CERS6: variants seen among roughly 807,000 people sequenced by gnomAD.
CERS6 encodes the protein LAG1 homolog, ceramide synthase 6.
In CERS6, 26 loss-of-function variants were observed where a neutral mutation model predicts 56.8. The ratio of observed to expected loss-of-function variants is 0.46; its 90% CI spans 0.34 to 0.63. The LOEUF (loss-of-function observed/expected upper bound fraction) is 0.63. CERS6 is among the 30% of genes least tolerant of loss of function. The probability of loss-of-function intolerance (pLI) is 0.01; values close to 1 mark genes in which losing one functional copy is unlikely to be tolerated. For synonymous variants in CERS6, 164 were observed against 173.3 expected (o/e 0.95, Z 0.42); for missense variants, 415 against 467.5 (o/e 0.89, Z 1.04).
At chr2:168,707,558 A>C (rs1212975387) in intron 6 of CERS6, among the ~76,000 whole-genome samples, 1 of 152,206 alleles carries the variant, frequency 6.6e-6, no homozygotes, top group Non-Finnish European at 1.5e-5. Context: ...GCCTTATGTG[A>C]AATACCTTTC....
At chr2:168,554,829 A>G (rs966561209) in intron 2 of CERS6, among the ~76,000 whole-genome samples, 33 of 152,250 alleles carry the variant, frequency 2.2e-4, no homozygotes, top group African/African-American at 7.5e-4. Flanking sequence ...TTCTAAAAGC[A>G]TTAAATGAAA....
chr2:168,632,967 C>T (rs1574115403), intron 4 of CERS6, among the ~76,000 whole-genome samples: 1 of 152,056 alleles, frequency 6.6e-6, no homozygotes, highest in African/African-American at 2.4e-5. Flanking sequence ...AACACTTTGA[C>T]GCTTAGCTCT....
intron 1 of CERS6, among the ~76,000 whole-genome samples, chr2:168,528,192 ATAGTAT>A (rs1332536966): frequency 6.6e-6 from 1 of 152,186 alleles, no homozygotes; most frequent in Non-Finnish European, 1.5e-5. Context: ...ATTTACTATT[ATAGTAT>A]TACAGAAGGT....
chr2:168,744,563 C>G (rs1574213365), intron 8 of CERS6, among the ~76,000 whole-genome samples: 1 of 151,842 alleles, frequency 6.6e-6, no homozygotes, highest in Non-Finnish European at 1.5e-5. Flanking sequence ...AAGAGTGGTC[C>G]CTGAATTATC....
chr2:168,651,815 T>C (rs577407568), intron 4 of CERS6, among the ~76,000 whole-genome samples: 2 of 152,284 alleles, frequency 1.3e-5, no homozygotes, highest in South Asian at 4.1e-4. Flanking sequence ...GTAACTTTAA[T>C]CTGAGCCAGG....
chr2:168,581,302 A>C (rs1426506505), intron 3 of CERS6, among the ~76,000 whole-genome samples: 2 of 152,228 alleles, frequency 1.3e-5, no homozygotes, highest in Non-Finnish European at 2.9e-5. Context: ...TACAGGCGTG[A>C]GCCACCATGC....
At chr2:168,731,337 A>G (rs1322777334) in intron 8 of CERS6, among the ~76,000 whole-genome samples, 2 of 152,032 alleles carry the variant, frequency 1.3e-5, no homozygotes, top group Admixed American at 6.6e-5. Context: ...TGAACCATCA[A>G]ATAATAGTAA....
At chr2:168,672,045 CATCTCAGCTCAA>C (rs1327623172) in intron 4 of CERS6, among the ~76,000 whole-genome samples, 6 of 152,232 alleles carry the variant, frequency 3.9e-5, no homozygotes, top group African/African-American at 1.4e-4. Flanking sequence ...AACAGTGTGT[CATCTCAGCTCAA>C]TTACTAAAGT....
intron 8 of CERS6, among the ~76,000 whole-genome samples, chr2:168,751,900 C>G (rs1420871088): frequency 6.6e-6 from 1 of 152,162 alleles, no homozygotes; most frequent in African/African-American, 2.4e-5. Context: ...TGCCTTTGCT[C>G]AAAATGCTCC....
At chr2:168,556,160 T>G (rs897949465) in intron 2 of CERS6, among the ~76,000 whole-genome samples, 1 of 152,106 alleles carries the variant, frequency 6.6e-6, no homozygotes, top group Non-Finnish European at 1.5e-5. Context: ...CAGCTCTCTT[T>G]TAATGTAACA....
At chr2:168,631,840 T>C (rs1271270963) in intron 4 of CERS6, among the ~76,000 whole-genome samples, 1 of 131,666 alleles carries the variant, frequency 7.6e-6, no homozygotes, top group Non-Finnish European at 1.5e-5. Flanking sequence ...ATATATATTA[T>C]ATAATATATA....
intron 1 of CERS6, among the ~76,000 whole-genome samples, chr2:168,509,087 C>G (rs1694732070): frequency 6.6e-6 from 1 of 152,162 alleles, no homozygotes; most frequent in Non-Finnish European, 1.5e-5. Context: ...AGAGTTCAGA[C>G]TAATTCATTC....
intron 1 of CERS6, among the ~76,000 whole-genome samples, chr2:168,499,779 A>G (rs1480462931): frequency 6.6e-6 from 1 of 152,176 alleles, no homozygotes; most frequent in Non-Finnish European, 1.5e-5. Context: ...AGGGTGGCCA[A>G]TAGATTTCTT....
chr2:168,759,913 A>C (rs1311268821), intron 8 of CERS6, among the ~76,000 whole-genome samples: 1 of 150,934 alleles, frequency 6.6e-6, no homozygotes, highest in African/African-American at 2.4e-5. Context: ...TTTTGTACAT[A>C]TGTGTTTTGT....
intron 1 of CERS6, among the ~76,000 whole-genome samples, chr2:168,544,720 C>A (rs1224543556): frequency 2.6e-5 from 4 of 152,162 alleles, no homozygotes; most frequent in African/African-American, 9.7e-5. Context: ...AATTTTATGT[C>A]CACATGGGAC....
At chr2:168,695,553 T>C (rs1226594337) in intron 6 of CERS6, among the ~76,000 whole-genome samples, 1 of 152,166 alleles carries the variant, frequency 6.6e-6, no homozygotes, top group East Asian at 1.9e-4. Context: ...ACCCCTTACG[T>C]GTTAAATCCA....
intron 1 of CERS6, among the ~76,000 whole-genome samples, chr2:168,462,816 G>T (rs1342525675): frequency 6.6e-6 from 1 of 152,180 alleles, no homozygotes; most frequent in Non-Finnish European, 1.5e-5. Flanking sequence ...TTACATGTGT[G>T]AGTCACTGCA....
chr2:168,556,134 A>C (rs577912936), intron 2 of CERS6, among the ~76,000 whole-genome samples: 1 of 152,214 alleles, frequency 6.6e-6, no homozygotes, highest in Admixed American at 6.5e-5. Flanking sequence ...AAGCATAGAA[A>C]ATTAAGAAAC....
At chr2:168,505,614 T>A (rs1427259959) in intron 1 of CERS6, among the ~76,000 whole-genome samples, 2 of 151,882 alleles carry the variant, frequency 1.3e-5, no homozygotes, top group Non-Finnish European at 2.9e-5. Context: ...TATAAAAGAG[T>A]TGGAGTTAAG....
Sources: gnomAD v4.1 joint callset for allele counts (sites outside exome capture counted in the v4.1 genomes callset) on GRCh38, gnomAD v4.1.1 for gene constraint, MANE v1.5 for transcripts, NCBI Gene and HGNC (gene_info 2026-07-23, HGNC 2026-07-21) for gene names.